Variants in TF observed in about 807,000 individuals in gnomAD.
TF encodes transferrin, also known as serotransferrin.
TF carries 55 observed loss-of-function variants against 82.4 expected under a neutral mutation model. The observed-to-expected ratio is 0.67, with a 90% CI of 0.54 to 0.84. TF has a LOEUF of 0.84. TF is among the 40% of genes least tolerant of loss of function. The probability of loss-of-function intolerance (pLI) is 0.00; values close to 1 mark genes in which losing one functional copy is unlikely to be tolerated. For missense variants in TF, 737 were observed against 868.4 expected, an observed-to-expected ratio of 0.85 and a Z score of 1.90; for synonymous variants, 332 against 332.6, an observed-to-expected ratio of 1.00 and a Z score of 0.02.
chr3:133,764,346 C>T, intron 10 of TF, 71 bp downstream of exon 10: 1 of 1,262,210 alleles, frequency 7.9e-7, no homozygotes, highest in East Asian at 2.3e-5. Flanking sequence ...GGAAAAATCA[C>T]AGTCTGATTC....
chr3:133,723,288 T>C, the TF span, among the ~76,000 whole-genome samples: 34 of 152,272 alleles, frequency 2.2e-4, no homozygotes, highest in East Asian at 6.6e-3. Context: ...ATGGAGACCT[T>C]TGGGTCTCCT....
the TF span, among the ~76,000 whole-genome samples, chr3:133,671,108 C>G: frequency 2.0e-5 from 3 of 152,182 alleles, no homozygotes; most frequent in Non-Finnish European, 2.9e-5. Flanking sequence ...ATAAATATAT[C>G]AAGTATATGA....
chr3:133,786,525 T>C lies in TF; in HGVS notation c.*7905T>C, dbSNP rs1216533645. On this transcript the variant is annotated 3_prime_UTR_variant, in exon 17 of 17. Transcript: ENST00000402696. ...TCATGCCTGGGCATTTTGTTTTACT[T>C]ATCTGGGTATATTGTGGATCTAAAG... 6.6e-6 allele frequency: 1 copy of C among 152,246 alleles called. No individual in the cohort carries two copies. The highest frequency in any genetic ancestry group is 1.5e-5 in the Non-Finnish European group (1 of 68,034). 9.4% of individuals were successfully genotyped at this position (152,246 alleles called of 1,614,324 possible).
chr3:133,676,392 C>T, the TF span, among the ~76,000 whole-genome samples: 1 of 152,186 alleles, frequency 6.6e-6, no homozygotes, highest in Non-Finnish European at 1.5e-5. Context: ...CGAGGGTGGG[C>T]TCCTCCAGGG....
the TF span, among the ~76,000 whole-genome samples, chr3:133,689,384 T>C: frequency 6.6e-6 from 1 of 151,944 alleles, no homozygotes; most frequent in Non-Finnish European, 1.5e-5. Context: ...CTGTAACAAG[T>C]GAATAATATT....
chr3:133,679,270 C>T, the TF span, among the ~76,000 whole-genome samples: 1 of 152,186 alleles, frequency 6.6e-6, no homozygotes, highest in Non-Finnish European at 1.5e-5. Flanking sequence ...GATTCTTCTG[C>T]CTCAGCCTCC....
chr3:133,764,965 A>G (rs1934091800), intron 11 of TF, 58 bp downstream of exon 11: 5 of 1,573,352 alleles, frequency 3.2e-6, no homozygotes, highest in Non-Finnish European at 4.4e-6. Flanking sequence ...GTTTTGGGGA[A>G]TTGGTTAGAT....
chr3:133,759,062 T>G, intron 8 of TF, 113 bp from the exon 9 acceptor site: 1 of 1,368,066 alleles, frequency 7.3e-7, no homozygotes, highest in Non-Finnish European at 1.0e-6. Context: ...ATGGGGTCTG[T>G]TTGTTTATTG....
chr3:133,674,878 G>A, the TF span, among the ~76,000 whole-genome samples: 4 of 152,146 alleles, frequency 2.6e-5, no homozygotes, highest in African/African-American at 9.7e-5. Flanking sequence ...ACTATGACTA[G>A]CTGGCCAAAT....
At chr3:133,755,880 C>G (rs1026879000) in intron 5 of TF, 67 of 433,888 alleles carry the variant, frequency 1.5e-4, no homozygotes, top group African/African-American at 1.3e-3. Flanking sequence ...CACTGCCTGT[C>G]TCCTGCCCCC....
chr3:133,725,449 T>G, the TF span, among the ~76,000 whole-genome samples: 1 of 152,078 alleles, frequency 6.6e-6, no homozygotes, highest in African/African-American at 2.4e-5. Flanking sequence ...ATGATTTGGC[T>G]CTCTGTTTGT....
upstream of TF, among the ~76,000 whole-genome samples, chr3:133,744,477 C>G (rs1184073971): frequency 6.6e-6 from 1 of 152,210 alleles, no homozygotes; most frequent in Non-Finnish European, 1.5e-5. Context: ...CCTGACTTTT[C>G]CTGCTCATCT....
chr3:133,726,189 A>T, the TF span, among the ~76,000 whole-genome samples: 1 of 152,098 alleles, frequency 6.6e-6, no homozygotes, highest in Non-Finnish European at 1.5e-5. Flanking sequence ...GTAAGGGAGG[A>T]TTCCCTCTTT....
rs750197701 is a variant in TF, at chr3:133,789,878, CGTTTTTTTTT to C, written c.*11259_*11268del. 43 of 52,434 alleles carry C rather than the reference CGTTTTTTTTT, an allele frequency of 8.2e-4. No homozygotes were observed. Among genetic ancestry groups the C allele is most frequent in the African/African-American group, 1.2e-3 (13 of 10,760 alleles). 3.2% of individuals were successfully genotyped at this position (52,434 alleles called of 1,614,324 possible). On this transcript the variant is annotated 3_prime_UTR_variant, in exon 17 of 17. Coordinates refer to ENST00000402696, the MANE Select transcript of TF (RefSeq NM_001063.4). ...AGCCAAAACAAAACGATCTCGTTTG[CGTTTTTTTTT>C]TTTTTTTTTTTTTTTTTTTTGACAA...
the TF span, among the ~76,000 whole-genome samples, chr3:133,721,368 T>C: frequency 5.3e-5 from 8 of 152,304 alleles, no homozygotes; most frequent in East Asian, 1.3e-3. Flanking sequence ...TTTAGAAGCA[T>C]GATGTTTAAT....
intron 5 of TF, chr3:133,755,882 C>T: frequency 6.9e-6 from 3 of 434,744 alleles, no homozygotes; most frequent in Non-Finnish European, 1.3e-5. Context: ...CTGCCTGTCT[C>T]CTGCCCCCAT....
the TF span, among the ~76,000 whole-genome samples, chr3:133,671,926 A>C: frequency 1.3e-5 from 2 of 152,192 alleles, no homozygotes; most frequent in South Asian, 4.1e-4. Flanking sequence ...TACAATAGAG[A>C]AAAACAGCAA....
At chr3:133,774,225 A>G (rs1333964005) in intron 14 of TF, 1 of 152,246 alleles carries the variant, frequency 6.6e-6, no homozygotes, top group Non-Finnish European at 1.5e-5. Context: ...AACATAAAAT[A>G]AAATAAAAAT....
chr3:133,723,652 A>C, the TF span, among the ~76,000 whole-genome samples: 1 of 146,782 alleles, frequency 6.8e-6, no homozygotes, highest in Non-Finnish European at 1.5e-5. Context: ...TATTATTATT[A>C]TTATTATTAT....
Sources: gnomAD v4.1 joint callset for allele counts (sites outside exome capture counted in the v4.1 genomes callset) on GRCh38, gnomAD v4.1.1 for gene constraint, MANE v1.5 for transcripts, NCBI Gene and HGNC (gene_info 2026-07-23, HGNC 2026-07-21) for gene names.